The following NCOA2 variants were observed in gnomAD, a reference collection of about 807,000 sequenced individuals.
NCOA2 encodes the protein class E basic helix-loop-helix protein 75.
In NCOA2, 21 loss-of-function variants were observed where a neutral mutation model predicts 145.1. The ratio of observed to expected loss-of-function variants is 0.14; its 90% CI spans 0.10 to 0.21. The LOEUF is 0.21. NCOA2 is among the 10% of genes least tolerant of loss of function. The pLI is 1.00. For synonymous variants in NCOA2, 619 were observed against 637.5 expected (o/e 0.97, Z 0.44); for missense variants, 1,472 against 1,837.6 (o/e 0.80, Z 3.64).
At chr8:70,206,625 T>A (rs1446597483) in intron 4 of NCOA2, among the ~76,000 whole-genome samples, 3 of 152,214 alleles carry the variant, frequency 2.0e-5, no homozygotes, top group African/African-American at 7.2e-5. Flanking sequence ...CTGCTGAAGA[T>A]GGTTAGAGGT....
At chr8:70,315,911 A>C (rs1805550573) in intron 1 of NCOA2, among the ~76,000 whole-genome samples, 2 of 152,218 alleles carry the variant, frequency 1.3e-5, no homozygotes, top group Admixed American at 6.5e-5. Context: ...TTGAGCCCTA[A>C]TCTGATTCCA....
intron 2 of NCOA2, among the ~76,000 whole-genome samples, chr8:70,292,364 G>C (rs1440889357): frequency 6.6e-6 from 1 of 151,940 alleles, no homozygotes; most frequent in African/African-American, 2.4e-5. Flanking sequence ...TGTTGGCCAG[G>C]ATGGTCTCGA....
chr8:70,264,028 C>T (rs1354574055), intron 2 of NCOA2, among the ~76,000 whole-genome samples: 2 of 151,936 alleles, frequency 1.3e-5, no homozygotes, highest in Admixed American at 1.3e-4. Context: ...GCCCGACCAA[C>T]ATGGAGAAAT....
the NCOA2 span, among the ~76,000 whole-genome samples, chr8:70,438,183 T>C: frequency 1.3e-5 from 2 of 152,240 alleles, no homozygotes; most frequent in African/African-American, 2.4e-5. Context: ...AATTTAGGAT[T>C]TAAAAATCAC....
chr8:70,369,690 G>T (rs1469551604), intron 1 of NCOA2, among the ~76,000 whole-genome samples: 1 of 152,076 alleles, frequency 6.6e-6, no homozygotes, highest in East Asian at 1.9e-4. Flanking sequence ...ATGTGTTTTG[G>T]GGGGCTGACA....
intron 1 of NCOA2, among the ~76,000 whole-genome samples, chr8:70,370,318 A>G (rs1004389256): frequency 3.3e-5 from 5 of 152,222 alleles, no homozygotes; most frequent in African/African-American, 9.6e-5. Flanking sequence ...TTTCCCACCT[A>G]TATGAGAAAA....
At chr8:70,319,231 T>C (rs889047680) in intron 1 of NCOA2, among the ~76,000 whole-genome samples, 1 of 152,056 alleles carries the variant, frequency 6.6e-6, no homozygotes, top group Admixed American at 6.6e-5. Flanking sequence ...TTGGATGATG[T>C]TTCTGAAATT....
chr8:70,239,411 C>A (rs1204550920), intron 2 of NCOA2, among the ~76,000 whole-genome samples: 1 of 152,108 alleles, frequency 6.6e-6, no homozygotes, highest in African/African-American at 2.4e-5. Flanking sequence ...CATGAAGAAA[C>A]ACAAGACCTA....
intron 2 of NCOA2, among the ~76,000 whole-genome samples, chr8:70,267,436 G>C (rs1014156576): frequency 8.2e-6 from 1 of 121,572 alleles, no homozygotes; most frequent in Non-Finnish European, 1.6e-5. Flanking sequence ...GCCTCGCTCT[G>C]TCACCCAGGC....
chr8:70,221,510 C>T (rs1820133996), intron 2 of NCOA2, among the ~76,000 whole-genome samples: 1 of 152,100 alleles, frequency 6.6e-6, no homozygotes. Flanking sequence ...CTTCAATAAA[C>T]AAAATGTGCT....
At chr8:70,314,210 C>CAAAAAAA (rs1805390436) in intron 1 of NCOA2, among the ~76,000 whole-genome samples, 1 of 80,796 alleles carries the variant, frequency 1.2e-5, no homozygotes, top group African/African-American at 4.9e-5. Flanking sequence ...AAAAAAAAAG[C>CAAAAAAA]AACTGTCATG....
upstream of NCOA2, among the ~76,000 whole-genome samples, chr8:70,405,668 T>G (rs1490223811): frequency 6.6e-6 from 1 of 150,506 alleles, no homozygotes; most frequent in Non-Finnish European, 1.5e-5. Context: ...GTTGTGATAA[T>G]AAATAAATAA....
chr8:70,114,070 G>T (rs890441691), intron 22 of NCOA2, among the ~76,000 whole-genome samples: 1 of 152,164 alleles, frequency 6.6e-6, no homozygotes, highest in Admixed American at 6.5e-5. Context: ...AATTCATCCA[G>T]TACAAACCCT....
chr8:70,201,164 T>C (rs1817851135), intron 4 of NCOA2, among the ~76,000 whole-genome samples: 1 of 151,114 alleles, frequency 6.6e-6, no homozygotes, highest in Non-Finnish European at 1.5e-5. Context: ...AAAGGTCAAA[T>C]TAAAATCAAT....
intron 1 of NCOA2, among the ~76,000 whole-genome samples, chr8:70,335,122 CAAAAAAAAAAAAA>C (rs59460365): frequency 5.1e-4 from 15 of 29,446 alleles, no homozygotes; most frequent in South Asian, 2.8e-3. Flanking sequence ...GACTCCATCT[CAAAAAAAAAAAAA>C]AAAAAAAAAA....
intron 4 of NCOA2, among the ~76,000 whole-genome samples, chr8:70,175,072 T>C (rs955914227): frequency 3.3e-5 from 5 of 152,222 alleles, no homozygotes; most frequent in African/African-American, 1.2e-4. Context: ...ACCTGTGGCT[T>C]GGATCCACTT....
intron 1 of NCOA2, among the ~76,000 whole-genome samples, chr8:70,399,123 T>C (rs1282949394): frequency 6.6e-6 from 1 of 152,226 alleles, no homozygotes; most frequent in Non-Finnish European, 1.5e-5. Flanking sequence ...GTTTTCTTTA[T>C]GATGTCTGAA....
chr8:70,231,068 A>T (rs1263723056), intron 2 of NCOA2, among the ~76,000 whole-genome samples: 1 of 152,220 alleles, frequency 6.6e-6, no homozygotes, highest in African/African-American at 2.4e-5. Context: ...TATACCTACA[A>T]TAGTCTTAGA....
the NCOA2 span, among the ~76,000 whole-genome samples, chr8:70,426,220 C>A: frequency 6.6e-6 from 1 of 152,128 alleles, no homozygotes; most frequent in East Asian, 1.9e-4. Flanking sequence ...TAAACTAATG[C>A]ACTCTTAGAG....
Sources: gnomAD v4.1 joint callset for allele counts (sites outside exome capture counted in the v4.1 genomes callset) on GRCh38, gnomAD v4.1.1 for gene constraint, MANE v1.5 for transcripts, NCBI Gene and HGNC (gene_info 2026-07-23, HGNC 2026-07-21) for gene names.